PCSK9: variants seen among roughly 807,000 people sequenced by gnomAD.
The protein encoded by PCSK9 is proprotein convertase subtilisin/kexin type 9, also known as convertase subtilisin/kexin type 9 preproprotein.
Under a neutral mutation model 62.1 loss-of-function variants are expected in PCSK9, and 57 were observed. The ratio of observed to expected loss-of-function variants is 0.92; its 90% confidence interval spans 0.74 to 1.14. The LOEUF is 1.14. PCSK9 is among the 50% of genes most tolerant of loss of function. The probability of loss-of-function intolerance (pLI) is 0.00; values close to 1 mark genes in which losing one functional copy is unlikely to be tolerated. For missense variants in PCSK9, 870 were observed against 959.8 expected (o/e 0.91, Z 1.24); for synonymous variants, 387 against 409.4 (o/e 0.95, Z 0.66).
At position 55,056,146 on chromosome 1, in the gene PCSK9, T is replaced by A. The variant is rs781413796; in HGVS notation, c.953T>A (p.Phe318Tyr). 5 of 1,542,344 alleles carry A rather than the reference T, an allele frequency of 3.2e-6. No homozygotes were observed. In the Admixed American group the frequency reaches 9.0e-5, roughly 28 times the overall value. ...GTGCTGGTCACCGCTGCCGGCAACT[T>A]CCGGGACGATGCCTGCCTCTACTCC... ...GVVLVTAAGN[F>Y]RDDACLYSPA... Residue 318 changes from phenylalanine to tyrosine, a missense_variant, in exon 6 of 12, where the codon TTC (phenylalanine) becomes TAC (tyrosine). By Grantham distance (22) the Phe-to-Tyr change is conservative. Transcript: ENST00000302118.
intron 1 of PCSK9, among the ~76,000 whole-genome samples, chr1:55,043,138 C>T (rs921447967): frequency 5.9e-5 from 9 of 152,222 alleles, no homozygotes; most frequent in African/African-American, 1.9e-4. Context: ...ATCCCTTTTC[C>T]TTGTAAATTA....
At chr1:55,044,452 C>T (rs1644619459) in intron 2 of PCSK9, among the ~76,000 whole-genome samples, 1 of 152,148 alleles carries the variant, frequency 6.6e-6, no homozygotes, top group South Asian at 2.1e-4. Flanking sequence ...GTCCAAAATT[C>T]CTTTGAAGCT....
Position 55,056,189 on chromosome 1 carries a change from G to T in PCSK9, c.996G>T (p.Glu332Asp). 1 of 1,271,936 alleles carries T rather than the reference G, an allele frequency of 7.9e-7. No individual in the cohort carries two copies. Among genetic ancestry groups the T allele is most frequent in the Non-Finnish European group, 1.0e-6 (1 of 979,052 alleles). The allele number at this position is 1,271,936 out of a possible 1,614,324, so 78.8% of individuals were successfully genotyped here. A position where few individuals can be genotyped will look rare whatever the true frequency, so the allele number is the denominator to read the frequency against. Residue 332 changes from glutamate (E) to aspartate (D), a missense_variant and splice_region_variant, in exon 6 of 12, where the codon GAG becomes GAT. Physicochemically the swap from Glu to Asp is conservative, Grantham distance 45. Transcript: ENST00000302118. ...TCTACTCCCCAGCCTCAGCTCCCGA[G>T]GTAGGTGCTGGGGCTGCTGCCCCAA... ...ACLYSPASAP[E>D]VITVGATNAQ...
At position 55,040,962 on chromosome 1, in the gene PCSK9, C is replaced by G. The variant is rs956330724; in HGVS notation, c.207+918C>G. Reference sequence around the variant, plus strand: ...AGGACTTGGCTGAGGTTCTGTGTCCCCCAGCTTGGAGTCAGATGTGGGGTT... The same window carrying G: ...AGGACTTGGCTGAGGTTCTGTGTCCGCCAGCTTGGAGTCAGATGTGGGGTT... On this transcript the variant is annotated intron_variant, in intron 1 of 11. Transcript: ENST00000302118. This position sits in a 1 kb window ranked among gnomAD's most constrained non-coding sequence, Gnocchi z 4.1. 1.3e-5 allele frequency among the ~76,000 whole-genome samples: 2 copies of G among 152,200 alleles called. No individual in the cohort carries two copies. Among genetic ancestry groups the G allele is most frequent in the African/African-American group, 4.8e-5 (2 of 41,440 alleles).
At chr1:55,051,178 T>A (rs923096144) in intron 3 of PCSK9, 2 of 456,144 alleles carry the variant, frequency 4.4e-6, no homozygotes, top group Non-Finnish European at 4.4e-6. Context: ...GAGATGAGAA[T>A]CTCTACTCTG....
chr1:55,057,633 C>A, intron 7 of PCSK9, 119 bp downstream of exon 7: 2 of 1,211,950 alleles, frequency 1.7e-6, no homozygotes, highest in South Asian at 2.6e-5. Flanking sequence ...ATGAAGTAGG[C>A]CTGATGGTGC....
chr1:55,048,674 G>A (rs1570297956), intron 3 of PCSK9, among the ~76,000 whole-genome samples: 1 of 152,216 alleles, frequency 6.6e-6, no homozygotes, highest in Non-Finnish European at 1.5e-5. Context: ...CCACAAGCAT[G>A]GGCCCTAGAG....
At position 55,063,650 on chromosome 1, in the gene PCSK9, C is replaced by T. The variant is rs994959013; in HGVS notation, c.*66C>T. The T allele has an allele frequency of 2.1e-5, 31 of 1,509,568 alleles. No individual in the cohort carries two copies. Among genetic ancestry groups the T allele is most frequent in the African/African-American group, 4.1e-5 (3 of 72,814 alleles). 93.5% of individuals were successfully genotyped at this position (1,509,568 alleles called of 1,614,324 possible). A position where few individuals can be genotyped will look rare whatever the true frequency, so the allele number is the denominator to read the frequency against. On this transcript the variant is annotated 3_prime_UTR_variant, in exon 12 of 12. Transcript: ENST00000302118. ...CTGGGGCTGAGCTTTAAAATGGTTCCGACTTGTCCCTCTCTCAGCCCTCCA... is the reference window on the plus strand; with the variant it reads ...CTGGGGCTGAGCTTTAAAATGGTTCTGACTTGTCCCTCTCTCAGCCCTCCA...
Position 55,039,727 on chromosome 1 carries a change from C to CTTCA in PCSK9, c.-110_-107dup. Reference sequence around the variant, plus strand: ...CCCCTTCACGCGCCCTGCTCCTGAACTTCAGCTCCTGCACAGTCCTCCCCA... The same window carrying CTTCA: ...CCCCTTCACGCGCCCTGCTCCTGAACTTCATTCAGCTCCTGCACAGTCCTCCCCA... On this transcript the variant is annotated 5_prime_UTR_variant, in exon 1 of 12. Transcript: ENST00000302118. 7.6e-7 allele frequency: 1 copy of CTTCA among 1,309,498 alleles called. No individual in the cohort carries two copies. The allele number at this position is 1,309,498 out of a possible 1,614,324, so 81.1% of individuals were successfully genotyped here.
intron 5 of PCSK9, among the ~76,000 whole-genome samples, chr1:55,053,247 G>A (rs1644689219): frequency 6.6e-6 from 1 of 152,064 alleles, no homozygotes; most frequent in African/African-American, 2.4e-5. Context: ...TGTGGTGGAG[G>A]AACTGGCAGA....
intron 10 of PCSK9, 91 bp from the exon 11 acceptor site, chr1:55,061,284 A>G: frequency 7.2e-7 from 1 of 1,391,442 alleles, no homozygotes; most frequent in Non-Finnish European, 9.7e-7. Flanking sequence ...CTCTTGCCTC[A>G]GACCTTAAAG....
rs761654917 is a variant in PCSK9, at chr1:55,046,666, C to T, written c.523+20C>T. 1 of 1,612,886 alleles carries T rather than the reference C, an allele frequency of 6.2e-7. No homozygotes were observed. Among genetic ancestry groups the T allele is most frequent in the Non-Finnish European group, 8.5e-7 (1 of 1,179,576 alleles). ...CCCCCGGTAAGACCCCCATCTGTGC[C>T]CTGCCCCACCCCATCTGAGCTGAAT... On this transcript the variant is annotated intron_variant, in intron 3 of 11. Coordinates refer to ENST00000302118, the MANE Select transcript of PCSK9 (RefSeq NM_174936.4).
chr1:55,059,786 A>G, intron 10 of PCSK9, 123 bp downstream of exon 10: 2 of 1,285,684 alleles, frequency 1.6e-6, no homozygotes, highest in East Asian at 2.6e-5. Context: ...GCAGTTCCAT[A>G]CTCTGGTTCT....
In PCSK9 at chr1:55,061,595, G is replaced by A. The variant is rs760382999; in HGVS notation, c.1863+39G>A. On this transcript the variant is annotated intron_variant, in intron 11 of 11. Transcript: ENST00000302118. ...TGAGGCCGGGTGGGTGGGGTGCTGC[G>A]TGTCTCTCCTGCACAGCTTTTCTGT... is the stretch of plus-strand genomic sequence containing the variant. 20 of 1,557,836 alleles carry A rather than the reference G, an allele frequency of 1.3e-5. 1 individual carries two copies. The Middle Eastern group carries it at 6.7e-4, about 52-fold the overall frequency.
intron 3 of PCSK9, chr1:55,052,057 C>T (rs969131751): frequency 3.1e-6 from 2 of 651,346 alleles, no homozygotes; most frequent in African/African-American, 3.6e-5. Flanking sequence ...AGCTGATGGC[C>T]TTGGACAGTT....
chr1:55,052,627 T>G (rs1044961102), intron 4 of PCSK9, 23 bp from the exon 5 acceptor site: 14 of 1,611,914 alleles, frequency 8.7e-6, no homozygotes, highest in African/African-American at 1.3e-5. Flanking sequence ...CTTTCTCATG[T>G]GGTCCTTGTG....
chr1:55,050,942 G>C, intron 3 of PCSK9: 1 of 358,582 alleles, frequency 2.8e-6, no homozygotes, highest in East Asian at 7.6e-5. Flanking sequence ...CTTTATGAGA[G>C]AAAGGCAGAG....
Position 55,040,072 on chromosome 1 carries a change from G to GCGAACCCGCAGCCGGGA in PCSK9, c.207+31_207+47dup. 6.5e-7 allele frequency: 1 copy of GCGAACCCGCAGCCGGGA among 1,547,966 alleles called. No homozygotes were observed. Among genetic ancestry groups the GCGAACCCGCAGCCGGGA allele is most frequent in the Non-Finnish European group, 8.7e-7 (1 of 1,145,838 alleles). On this transcript the variant is annotated intron_variant, in intron 1 of 11. Coordinates refer to ENST00000302118, the MANE Select transcript of PCSK9 (RefSeq NM_174936.4). This position sits in a 1 kb window ranked among gnomAD's most constrained non-coding sequence, Gnocchi z 4.1. ...GCGGGTGTAGGGATGGGAGGCCGGG[G>GCGAACCCGCAGCCGGGA]CGAACCCGCAGCCGGGACGGTGCGG...
In PCSK9 at chr1:55,052,744, G is replaced by A. The variant is rs376945520; in HGVS notation, c.752G>A (p.Arg251His). 35 of 1,613,202 alleles carry A rather than the reference G, an allele frequency of 2.2e-5. No individual in the cohort carries two copies. Among genetic ancestry groups the A allele is most frequent in the Middle Eastern group, 3.3e-4 (2 of 6,058 alleles). The change falls in exon 5 of 12, where the codon CGC (arginine) becomes CAC (histidine). Residue 251 changes from arginine to histidine, a missense_variant. By Grantham distance (29) the Arg-to-His change is conservative. Coordinates refer to ENST00000302118, the MANE Select transcript of PCSK9 (RefSeq NM_174936.4). ...AAGGGTGCCAGCATGCGCAGCCTGCGCGTGCTCAACTGCCAAGGGAAGGGC... is the reference window on the plus strand; with the variant it reads ...AAGGGTGCCAGCATGCGCAGCCTGCACGTGCTCAACTGCCAAGGGAAGGGC... ...VAKGASMRSLRVLNCQGKGTV... is the reference protein window; with the variant it reads ...VAKGASMRSLHVLNCQGKGTV...
Sources: gnomAD v4.1 joint callset for allele counts (sites outside exome capture counted in the v4.1 genomes callset) on GRCh38, gnomAD v4.1.1 for gene constraint, Gnocchi (gnomAD v3.1) non-coding constraint, MANE v1.5 for transcripts, NCBI Gene and HGNC (gene_info 2026-07-23, HGNC 2026-07-21) for gene names.